Variants in TANGO6 observed in about 807,000 individuals in gnomAD.
TANGO6 encodes transport and golgi organization 6 homolog.
TANGO6 carries 90 observed loss-of-function variants against 114.2 expected under a neutral mutation model. That is an observed-to-expected ratio of 0.79 (90% confidence interval 0.66 to 0.94). The LOEUF (loss-of-function observed/expected upper bound fraction) is 0.94. TANGO6 is among the 40% of genes least tolerant of loss of function. The probability of loss-of-function intolerance (pLI) is 0.00; values close to 1 mark genes in which losing one functional copy is unlikely to be tolerated. For synonymous variants in TANGO6, 477 were observed against 509.8 expected (o/e 0.94, Z 0.87); for missense variants, 1,274 against 1,315.3 (o/e 0.97, Z 0.49).
intron 5 of TANGO6, among the ~76,000 whole-genome samples, chr16:68,875,710 C>T (rs528917828): frequency 4.9e-4 from 74 of 150,798 alleles, no homozygotes; most frequent in Middle Eastern, 6.8e-3. Flanking sequence ...CGGAGGTTGC[C>T]GTGAGCCGAG....
At chr16:68,970,929 G>T (rs1252943035) in intron 14 of TANGO6, among the ~76,000 whole-genome samples, 3 of 152,046 alleles carry the variant, frequency 2.0e-5, no homozygotes, top group Admixed American at 1.3e-4. Context: ...AGGCCGAGGA[G>T]GGCGGATCAC....
At chr16:68,878,414 C>T in intron 6 of TANGO6, 134 bp downstream of exon 6, 6 of 1,074,092 alleles carry the variant, frequency 5.6e-6, no homozygotes, top group African/African-American at 1.6e-5. Flanking sequence ...TTTATTTTGA[C>T]AAATTCACTT....
intron 11 of TANGO6, among the ~76,000 whole-genome samples, chr16:68,918,701 A>G (rs1465112224): frequency 6.6e-6 from 1 of 152,188 alleles, no homozygotes; most frequent in Non-Finnish European, 1.5e-5. Flanking sequence ...AATGAGGATA[A>G]TAGTACTGAC....
At chr16:68,933,628 C>T (rs1245960517) in intron 14 of TANGO6, among the ~76,000 whole-genome samples, 1 of 152,208 alleles carries the variant, frequency 6.6e-6, no homozygotes, top group Non-Finnish European at 1.5e-5. Context: ...GCTTGTTCTG[C>T]TCATGGTGAG....
At chr16:69,023,674 G>A (rs1337280293) in intron 16 of TANGO6, among the ~76,000 whole-genome samples, 1 of 151,962 alleles carries the variant, frequency 6.6e-6, no homozygotes, top group African/African-American at 2.4e-5. Flanking sequence ...AAAAATCTCA[G>A]GCAAATACTC....
intron 17 of TANGO6, among the ~76,000 whole-genome samples, chr16:69,045,299 C>T (rs1342121511): frequency 2.1e-5 from 3 of 143,162 alleles, no homozygotes. Flanking sequence ...CTAAAATTAG[C>T]CGGGTGTGGT....
chr16:68,958,639 A>T (rs1178368234), intron 14 of TANGO6, among the ~76,000 whole-genome samples: 1 of 152,164 alleles, frequency 6.6e-6, no homozygotes, highest in East Asian at 1.9e-4. Context: ...CCCTCTATTT[A>T]CAGATGTCCA....
intron 15 of TANGO6, among the ~76,000 whole-genome samples, chr16:69,012,883 A>G (rs1416420731): frequency 6.6e-6 from 1 of 152,190 alleles, no homozygotes; most frequent in African/African-American, 2.4e-5. Flanking sequence ...AGTCAATGGG[A>G]ACATCTCATC....
At chr16:68,923,344 T>C (rs868865761) in intron 12 of TANGO6, among the ~76,000 whole-genome samples, 6 of 152,264 alleles carry the variant, frequency 3.9e-5, no homozygotes, top group Middle Eastern at 3.4e-3. Flanking sequence ...TTTTAGGTGC[T>C]GCTGACTTAC....
chr16:68,880,618 G>A lies in TANGO6; in HGVS notation c.1365G>A (p.Glu455=). 1 of 1,611,334 alleles carries A rather than the reference G, an allele frequency of 6.2e-7. No homozygotes were observed. Among genetic ancestry groups the A allele is most frequent in the African/African-American group, 1.3e-5 (1 of 74,894 alleles). Residue 455 remains glutamate (E), a synonymous_variant, in exon 7 of 18, where the codon GAG becomes GAA. Transcript: ENST00000261778. Reference sequence around the variant, plus strand: ...AAGAAGAACTTAGTAGATGCATTGAGGATGTGTTTAAGGTTGGTAATCTGA... The same window carrying A: ...AAGAAGAACTTAGTAGATGCATTGAAGATGTGTTTAAGGTTGGTAATCTGA... ...VTEEELSRCI[E]DVFKVYVVGN...
At chr16:68,877,740 T>G (rs1309886741) in intron 5 of TANGO6, among the ~76,000 whole-genome samples, 1 of 151,906 alleles carries the variant, frequency 6.6e-6, no homozygotes, top group Non-Finnish European at 1.5e-5. Context: ...CCTGAGTAGC[T>G]GGGACTACAG....
chr16:69,080,944 C>T (rs551829599), intron 17 of TANGO6, among the ~76,000 whole-genome samples: 2 of 152,256 alleles, frequency 1.3e-5, no homozygotes, highest in South Asian at 4.1e-4. Flanking sequence ...CGAGACCATC[C>T]TGGCTAACAC....
chr16:68,906,795 T>C (rs187984959), intron 9 of TANGO6, among the ~76,000 whole-genome samples: 4,652 of 148,510 alleles, frequency 0.031, 95 homozygotes, highest in Non-Finnish European at 0.048. Flanking sequence ...TCTTCTTCTT[T>C]TTTTTTTTTT....
At chr16:69,073,245 C>G (rs1416059460) in intron 17 of TANGO6, among the ~76,000 whole-genome samples, 2 of 152,238 alleles carry the variant, frequency 1.3e-5, no homozygotes, top group Middle Eastern at 3.4e-3. Context: ...TAAAGTTCCC[C>G]CAAGCCATTT....
Position 68,862,933 on chromosome 16 carries a change from T to C in TANGO6, c.736-12T>C. On this transcript the variant is annotated splice_polypyrimidine_tract_variant and intron_variant, in intron 2 of 17. Transcript: ENST00000261778. The stretch of plus-strand genomic sequence containing the variant: ...TTGAATTCCACTAAAGCCAAGTGCA[T>C]ATTTCTTTTAGGTTCTAACTGAAGA... 1 of 1,554,996 alleles carries C rather than the reference T, an allele frequency of 6.4e-7. No individual in the cohort carries two copies.
chr16:68,881,335 G>A (rs927096702), intron 7 of TANGO6, among the ~76,000 whole-genome samples: 4 of 151,874 alleles, frequency 2.6e-5, no homozygotes, highest in African/African-American at 4.8e-5. Context: ...CCAATATGGC[G>A]AAACCCTATC....
Position 69,083,570 on chromosome 16 carries a change from C to A in TANGO6, c.3194C>A (p.Ala1065Asp), listed in dbSNP as rs1960497708. The A allele has an allele frequency of 1.2e-6, 2 of 1,607,548 alleles. No homozygotes were observed. The highest frequency in any genetic ancestry group is 1.7e-6 in the Non-Finnish European group (2 of 1,177,110). Residue 1065 changes from alanine to aspartate, a missense_variant, in exon 18 of 18, where the codon GCC becomes GAC. By Grantham distance (126) the Ala-to-Asp change is moderately radical. Transcript: ENST00000261778. Reference sequence around the variant, plus strand: ...CCCGATGACGTGGCCAAGCTCCATGCCCAGTTGGCCCTAGAAGAGCTGGAT... The same window carrying A: ...CCCGATGACGTGGCCAAGCTCCATGACCAGTTGGCCCTAGAAGAGCTGGAT... ...LEPDDVAKLHAQLALEELDDI... is the reference protein window; with the variant it reads ...LEPDDVAKLHDQLALEELDDI...
chr16:68,874,867 T>A (rs1289302686), intron 4 of TANGO6, among the ~76,000 whole-genome samples: 1 of 152,032 alleles, frequency 6.6e-6, no homozygotes, highest in Non-Finnish European at 1.5e-5. Context: ...AGAGAATCGC[T>A]TGAACCTGGC....
intron 4 of TANGO6, among the ~76,000 whole-genome samples, chr16:68,868,240 C>T (rs1221261287): frequency 6.6e-6 from 1 of 151,548 alleles, no homozygotes; most frequent in African/African-American, 2.4e-5. Context: ...AGAGTCATTT[C>T]CCTAATTATA....
Sources: allele counts gnomAD v4.1 joint callset (sites outside exome capture counted in the v4.1 genomes callset), GRCh38; gene constraint gnomAD v4.1.1; transcripts MANE v1.5; gene names NCBI Gene and HGNC (gene_info 2026-07-23, HGNC 2026-07-21).